PHC1: variants seen among roughly 807,000 people sequenced by gnomAD.
The protein encoded by PHC1 is polyhomeotic homolog 1.
PHC1 carries 12 observed loss-of-function variants against 104.3 expected under a neutral mutation model. That is an observed-to-expected ratio of 0.12 (90% CI 0.07 to 0.19). The LOEUF (loss-of-function observed/expected upper bound fraction) is 0.19. Among genes scored for constraint, PHC1 ranks in the 10% least tolerant of loss-of-function variants. The pLI, the probability that PHC1 is intolerant of heterozygous loss-of-function variation, is 1.00. For missense variants in PHC1, 671 were observed against 1,200.0 expected, an observed-to-expected ratio of 0.56 and a Z score of 6.51; for synonymous variants, 302 against 455.8, an observed-to-expected ratio of 0.66 and a Z score of 4.30.
At chr12:8,938,612 G>A (rs916127228) in intron 14 of PHC1, among the ~76,000 whole-genome samples, 3 of 151,480 alleles carry the variant, frequency 2.0e-5, no homozygotes, top group East Asian at 1.9e-4. Flanking sequence ...AGTTTTTTTC[G>A]GAAATGAAAA....
intron 6 of PHC1, among the ~76,000 whole-genome samples, chr12:8,923,108 G>A (rs762054932): frequency 3.9e-5 from 6 of 152,280 alleles, no homozygotes; most frequent in South Asian, 2.1e-4. Flanking sequence ...TTCTCTCATA[G>A]TACTGTCAGA....
chr12:8,937,117 T>G, intron 12 of PHC1, 59 bp from the exon 13 acceptor site: 1 of 1,556,534 alleles, frequency 6.4e-7, no homozygotes, highest in Non-Finnish European at 8.8e-7. Context: ...AAATTCACAT[T>G]TAGAGCAGGG....
At chr12:8,928,978 T>A (rs1203170326) in intron 6 of PHC1, among the ~76,000 whole-genome samples, 3 of 152,210 alleles carry the variant, frequency 2.0e-5, no homozygotes, top group African/African-American at 7.2e-5. Context: ...TGGTTGCTAA[T>A]GAATAATGCC....
At chr12:8,928,662 A>G (rs1565518015) in intron 6 of PHC1, among the ~76,000 whole-genome samples, 1 of 152,216 alleles carries the variant, frequency 6.6e-6, no homozygotes, top group Non-Finnish European at 1.5e-5. Context: ...TGTACTTACC[A>G]TCCAGCTTCA....
chr12:8,932,227 GC>G (rs1945706715), intron 7 of PHC1, among the ~76,000 whole-genome samples: 1 of 152,168 alleles, frequency 6.6e-6, no homozygotes, highest in African/African-American at 2.4e-5. Flanking sequence ...TGGAGGAGGG[GC>G]TAACCATTCT....
At position 8,932,651 on chromosome 12, in the gene PHC1, GA is replaced by G. The variant is rs763771908; in HGVS notation, c.1195del (p.Ile399LeufsTer104). 1 of 1,614,142 alleles carries G rather than the reference GA, an allele frequency of 6.2e-7. No individual in the cohort carries two copies. Among genetic ancestry groups the G allele is most frequent in the African/African-American group, 1.3e-5 (1 of 75,062 alleles). On this transcript the variant is annotated frameshift_variant, in exon 8 of 15. Coordinates refer to ENST00000544916, the MANE Select transcript of PHC1 (RefSeq NM_004426.3). LOFTEE classifies it high-confidence loss of function. ...AGAAACAGGTGGTGATCCAGCAGCA[GA>G]TTGCCATCCACCACCAGCAGCAGTT... ...QQKQVVIQQQ[I>X]AIHHQQQFQH...
intron 6 of PHC1, among the ~76,000 whole-genome samples, chr12:8,925,066 C>A (rs913414714): frequency 6.6e-6 from 1 of 152,122 alleles, no homozygotes; most frequent in Admixed American, 6.6e-5. Context: ...ATTTGAGTGT[C>A]AATATGTGGA....
intron 9 of PHC1, 60 bp from the exon 10 acceptor site, chr12:8,934,207 C>T: frequency 7.1e-7 from 1 of 1,410,652 alleles, no homozygotes; most frequent in Non-Finnish European, 1.0e-6. Context: ...GCTGGCTCAA[C>T]TAATAGATGG....
intron 10 of PHC1, 72 bp downstream of exon 10, chr12:8,934,550 T>A: frequency 9.8e-7 from 1 of 1,015,632 alleles, no homozygotes; most frequent in Non-Finnish European, 1.5e-6. Context: ...CAAACTCCAG[T>A]AAAAGTAAAA....
intron 10 of PHC1, 92 bp from the exon 11 acceptor site, chr12:8,935,032 C>A: frequency 1.5e-6 from 1 of 655,056 alleles, no homozygotes; most frequent in Non-Finnish European, 2.7e-6. Context: ...GAGATCCAAG[C>A]AGAGACATAA....
chr12:8,935,663 A>G (rs979505085), intron 11 of PHC1, among the ~76,000 whole-genome samples: 9 of 152,194 alleles, frequency 5.9e-5, no homozygotes, highest in African/African-American at 2.2e-4. Flanking sequence ...CTGTCTACAT[A>G]TAGAAACCAT....
intron 6 of PHC1, among the ~76,000 whole-genome samples, chr12:8,927,132 T>C (rs1945535926): frequency 6.6e-6 from 1 of 152,194 alleles, no homozygotes; most frequent in Non-Finnish European, 1.5e-5. Flanking sequence ...TGTGCATGTG[T>C]GCATGCGCGC....
chr12:8,921,776 G>A lies in PHC1; in HGVS notation c.456+26G>A, dbSNP rs192948064. The A allele has an allele frequency of 7.3e-5, 113 of 1,552,934 alleles. No individual in the cohort carries two copies. The African/African-American group carries it at 1.3e-3, about 17-fold the overall frequency. ...GTAAGCCACAGATGCAGTCACCATTGCCCCAGAGGCATAATTGTCTGGCCC... is the reference window on the plus strand; with the variant it reads ...GTAAGCCACAGATGCAGTCACCATTACCCCAGAGGCATAATTGTCTGGCCC... On this transcript the variant is annotated intron_variant, in intron 5 of 14. Coordinates refer to ENST00000544916, the MANE Select transcript of PHC1 (RefSeq NM_004426.3).
chr12:8,916,683 A>G (rs1166543406), intron 1 of PHC1, among the ~76,000 whole-genome samples: 1 of 152,078 alleles, frequency 6.6e-6, no homozygotes, highest in Non-Finnish European at 1.5e-5. Flanking sequence ...AGTAGATTAT[A>G]AAGTTGCATC....
chr12:8,935,794 C>A (rs890173563), intron 11 of PHC1, among the ~76,000 whole-genome samples: 15 of 151,854 alleles, frequency 9.9e-5, no homozygotes, highest in African/African-American at 3.6e-4. Context: ...GAGTTTCGCT[C>A]TTGTTGCCCA....
intron 13 of PHC1, 58 bp downstream of exon 13, chr12:8,937,384 G>T: frequency 6.9e-7 from 1 of 1,451,542 alleles, no homozygotes; most frequent in Non-Finnish European, 9.2e-7. Flanking sequence ...TTCTTTCCCT[G>T]CAGGGCAATT....
At chr12:8,923,998 G>A (rs986598097) in intron 6 of PHC1, among the ~76,000 whole-genome samples, 10 of 152,174 alleles carry the variant, frequency 6.6e-5, no homozygotes, top group African/African-American at 2.4e-4. Context: ...GGGAAGATGT[G>A]CTATGTGCAC....
chr12:8,939,053 T>C (rs1945931083), intron 14 of PHC1, among the ~76,000 whole-genome samples: 1 of 152,254 alleles, frequency 6.6e-6, no homozygotes, highest in Non-Finnish European at 1.5e-5. Context: ...CTTGAACTCC[T>C]GAGCTCAAGT....
intron 4 of PHC1, 91 bp downstream of exon 4, chr12:8,921,156 A>G: frequency 1.0e-6 from 1 of 959,082 alleles, no homozygotes; most frequent in Non-Finnish European, 1.6e-6. Context: ...GAGAGTGTTT[A>G]TTGAGCCGTC....
Sources: allele counts gnomAD v4.1 joint callset (sites outside exome capture counted in the v4.1 genomes callset), GRCh38; gene constraint gnomAD v4.1.1; transcripts MANE v1.5; gene names NCBI Gene and HGNC (gene_info 2026-07-23, HGNC 2026-07-21).